The following EIF3E variants were observed in gnomAD, a reference collection of about 807,000 sequenced individuals.
The protein encoded by EIF3E is eukaryotic translation initiation factor 3 subunit E.
Under a neutral mutation model 59.3 loss-of-function variants are expected in EIF3E, and 25 were observed. The observed-to-expected ratio is 0.42, with a 90% CI of 0.31 to 0.59. EIF3E has a LOEUF of 0.59. Among genes scored for constraint, EIF3E ranks in the 20% least tolerant of loss-of-function variants. EIF3E has a pLI of 0.15. For missense variants in EIF3E, 317 were observed against 534.3 expected, an observed-to-expected ratio of 0.59 and a Z score of 4.01; for synonymous variants, 176 against 170.2, an observed-to-expected ratio of 1.03 and a Z score of -0.26.
intron 7 of EIF3E, among the ~76,000 whole-genome samples, chr8:108,218,313 T>C (rs1003993666): frequency 6.6e-6 from 1 of 152,124 alleles, no homozygotes; most frequent in Non-Finnish European, 1.5e-5. Flanking sequence ...CACAGATTGG[T>C]CTCCCAAATA....
chr8:108,205,331 G>T (rs1038017282), intron 10 of EIF3E, among the ~76,000 whole-genome samples: 1 of 152,124 alleles, frequency 6.6e-6, no homozygotes, highest in Non-Finnish European at 1.5e-5. Context: ...TCATACACAG[G>T]AGACGATAAA....
chr8:108,205,023 C>A (rs1158765441), intron 10 of EIF3E, among the ~76,000 whole-genome samples: 1 of 151,970 alleles, frequency 6.6e-6, no homozygotes, highest in Non-Finnish European at 1.5e-5. Flanking sequence ...CCTACATATG[C>A]ATGTAAAATA....
intron 10 of EIF3E, among the ~76,000 whole-genome samples, chr8:108,205,925 G>A (rs1241209733): frequency 2.6e-5 from 4 of 152,122 alleles, no homozygotes; most frequent in Non-Finnish European, 5.9e-5. Context: ...TGTGCACAGG[G>A]AAAAACCTAG....
intron 10 of EIF3E, among the ~76,000 whole-genome samples, chr8:108,206,362 AAGGACCT>A (rs1377479355): frequency 6.6e-6 from 1 of 152,152 alleles, no homozygotes; most frequent in Non-Finnish European, 1.5e-5. Context: ...GAAAAAGTGG[AAGGACCT>A]ATGTATGTGA....
intron 7 of EIF3E, among the ~76,000 whole-genome samples, chr8:108,218,135 C>A (rs1815337348): frequency 1.3e-5 from 2 of 151,806 alleles, no homozygotes; most frequent in East Asian, 3.9e-4. Context: ...CCAATAAATA[C>A]TAATTTAGCA....
At chr8:108,230,177 A>G (rs1350003070) in intron 5 of EIF3E, among the ~76,000 whole-genome samples, 3 of 152,200 alleles carry the variant, frequency 2.0e-5, no homozygotes, top group Admixed American at 6.5e-5. Flanking sequence ...ATAATAGTAT[A>G]AATATCAAGA....
At chr8:108,212,231 A>C (rs73304586) in intron 10 of EIF3E, among the ~76,000 whole-genome samples, 4,679 of 152,272 alleles carry the variant, frequency 0.031, 218 homozygotes, top group African/African-American at 0.099. Flanking sequence ...TGATCTGCTT[A>C]TACACATATA....
intron 7 of EIF3E, among the ~76,000 whole-genome samples, chr8:108,220,004 G>A (rs1162655593): frequency 6.6e-6 from 1 of 152,028 alleles, no homozygotes; most frequent in Admixed American, 6.6e-5. Flanking sequence ...TTACCCAGGT[G>A]TGGAGGCAGG....
At position 108,242,247 on chromosome 8, in the gene EIF3E, G is replaced by A. The variant is rs626525; in HGVS notation, c.91-334C>T. On this transcript the variant is annotated intron_variant, in intron 1 of 12. Transcript: ENST00000220849. Reference sequence around the variant, plus strand: ...AAGGCTGTGTATAAATAAAACCCACGCCATCTTTCCTGTAAAGCACATATA... The same window carrying A: ...AAGGCTGTGTATAAATAAAACCCACACCATCTTTCCTGTAAAGCACATATA... The A allele has an allele frequency of 2.6e-5, 34 of 1,295,314 alleles. No homozygotes were observed. In the East Asian group the frequency reaches 1.2e-3, roughly 45 times the overall value. The allele number at this position is 1,295,314 out of a possible 1,614,324, so 80.2% of individuals were successfully genotyped here. A position where few individuals can be genotyped will look rare whatever the true frequency, so the allele number is the denominator to read the frequency against.
intron 2 of EIF3E, among the ~76,000 whole-genome samples, chr8:108,241,271 CAG>C (rs1815829504): frequency 1.3e-5 from 2 of 152,024 alleles, no homozygotes; most frequent in Admixed American, 6.5e-5. Flanking sequence ...AGAAATGACA[CAG>C]AATTATTTCC....
At chr8:108,209,801 T>C (rs1046867823) in intron 10 of EIF3E, among the ~76,000 whole-genome samples, 21 of 152,298 alleles carry the variant, frequency 1.4e-4, no homozygotes, top group African/African-American at 4.6e-4. Context: ...AAATGAGTAG[T>C]TGCCAGAAAT....
chr8:108,210,750 C>T (rs1410301277), intron 10 of EIF3E, among the ~76,000 whole-genome samples: 1 of 152,048 alleles, frequency 6.6e-6, no homozygotes, highest in Non-Finnish European at 1.5e-5. Context: ...TCCCCACTCC[C>T]CCCACCCCAC....
chr8:108,202,864 T>A, intron 12 of EIF3E, 119 bp downstream of exon 12: 1 of 1,185,452 alleles, frequency 8.4e-7, no homozygotes, highest in Non-Finnish European at 1.1e-6. Context: ...CTTAAAAATG[T>A]TCATATCTTT....
intron 4 of EIF3E, among the ~76,000 whole-genome samples, chr8:108,235,925 GAATA>G (rs1815722723): frequency 6.6e-6 from 1 of 152,088 alleles, no homozygotes. Flanking sequence ...TACAACTCTG[GAATA>G]AATACAAGCT....
rs148482236 is a variant in EIF3E at position 108,240,967 on chromosome 8, G to A, written c.205+832C>T. Among the ~76,000 whole-genome samples, 1,339 of 140,606 alleles carry A rather than the reference G, an allele frequency of 9.5e-3. 36 individuals carry two copies. The highest frequency in any genetic ancestry group is 0.034 in the African/African-American group (1,276 of 37,878). 92.2% of individuals were successfully genotyped at this position (140,606 alleles called of 152,430 possible). On this transcript the variant is annotated intron_variant, in intron 2 of 12. Coordinates refer to ENST00000220849, the MANE Select transcript of EIF3E (RefSeq NM_001568.3). ...TGCACTCCAGCCCGGGCAACACAGC[G>A]AGACTCCATCTCAAAAAAAAAAAGA...
At position 108,233,836 on chromosome 8, in the gene EIF3E, CAAAAAAA is replaced by C. The variant is rs35065360; in HGVS notation, c.471+1155_471+1161del. Among the ~76,000 whole-genome samples, 536 of 74,044 alleles carry C rather than the reference CAAAAAAA, an allele frequency of 7.2e-3. 2 individuals are homozygous for C. The highest frequency in any genetic ancestry group is 8.4e-3 in the Non-Finnish European group (350 of 41,826). 48.6% of individuals were successfully genotyped at this position (74,044 alleles called of 152,430 possible). A position where few individuals can be genotyped will look rare whatever the true frequency, so the allele number is the denominator to read the frequency against. On this transcript the variant is annotated intron_variant, in intron 5 of 12. Transcript: ENST00000220849. Reference sequence around the variant, plus strand: ...CCTGGGTGAGAGCAAGACCCTGTCTCAAAAAAAAAAAAAAAAAAAAAAAAAAGAAATC... The same window carrying C: ...CCTGGGTGAGAGCAAGACCCTGTCTCAAAAAAAAAAAAAAAAAAAGAAATC...
intron 10 of EIF3E, among the ~76,000 whole-genome samples, chr8:108,209,888 T>C (rs1472950330): frequency 2.0e-5 from 3 of 152,296 alleles, no homozygotes; most frequent in East Asian, 1.9e-4. Context: ...AAATGTTCTG[T>C]ATCTTGAATG....
chr8:108,229,882 C>T (rs1004561109), intron 5 of EIF3E, among the ~76,000 whole-genome samples: 1 of 152,104 alleles, frequency 6.6e-6, no homozygotes, highest in African/African-American at 2.4e-5. Context: ...ATAAATTTTA[C>T]ACCACAGTCT....
In EIF3E at chr8:108,246,179, C is replaced by A. The variant is rs143391120; in HGVS notation, c.90+2434G>T. On this transcript the variant is annotated intron_variant, in intron 1 of 12. Transcript: ENST00000220849. ...GATTTCATCCTACTACCCAGAAGGG[C>A]GAACAATTTAAAACTTACGAATTGC... is the stretch of plus-strand genomic sequence containing the variant. Among the ~76,000 whole-genome samples the A allele has an allele frequency of 4.3e-3, 655 of 151,184 alleles. 4 individuals carry two copies. The highest frequency in any genetic ancestry group is 0.015 in the African/African-American group (618 of 41,216).
Sources: allele counts gnomAD v4.1 joint callset (sites outside exome capture counted in the v4.1 genomes callset), GRCh38; gene constraint gnomAD v4.1.1; transcripts MANE v1.5; gene names NCBI Gene and HGNC (gene_info 2026-07-23, HGNC 2026-07-21).